Variants in TRIML2 observed in about 807,000 individuals in gnomAD.
TRIML2 encodes the protein tripartite motif family like 2.
A neutral mutation model predicts 31.2 loss-of-function variants in TRIML2; 28 were observed. That is an observed-to-expected ratio of 0.90 (90% CI 0.66 to 1.23). The LOEUF is 1.23. Ranked by LOEUF, TRIML2 falls within the 50% of genes most tolerant of loss-of-function variation. The pLI is 0.00. For synonymous variants in TRIML2, 187 were observed against 197.5 expected (o/e 0.95, Z 0.45); for missense variants, 536 against 528.3 (o/e 1.01, Z -0.14).
chr4:188,097,496 C>T, intron 5 of TRIML2, 150 bp from the exon 6 acceptor site: 1 of 774,154 alleles, frequency 1.3e-6, no homozygotes, highest in Admixed American at 2.4e-5. Flanking sequence ...CAAATTCTAA[C>T]ATGGAAACAG....
At position 188,091,280 on chromosome 4, in the gene TRIML2, C is replaced by G; in HGVS notation, c.*93G>C. ...TTAAATCAGGCTCCTACTCCTGGAA[C>G]GCTTTTTATTGGGTTAGTTTACACA... On this transcript the variant is annotated 3_prime_UTR_variant, in exon 8 of 8. Coordinates refer to ENST00000682553, the MANE Select transcript of TRIML2 (RefSeq NM_173553.4). 1 of 1,222,084 alleles carries G rather than the reference C, an allele frequency of 8.2e-7. No homozygotes were observed. Among genetic ancestry groups the G allele is most frequent in the African/African-American group, 1.5e-5 (1 of 65,814 alleles). The allele number at this position is 1,222,084 out of a possible 1,614,324, so 75.7% of individuals were successfully genotyped here.
chr4:188,096,889 T>A (rs1437421532), intron 7 of TRIML2, among the ~76,000 whole-genome samples, 172 bp downstream of exon 7: 1 of 152,104 alleles, frequency 6.6e-6, no homozygotes, highest in African/African-American at 2.4e-5. Flanking sequence ...ACTCCTGGCC[T>A]CAAGCAAACC....
rs774942562 is a variant in TRIML2 at position 188,101,223 on chromosome 4, T to A, written c.313A>T (p.Ile105Phe). The change falls in exon 4 of 8, where the codon ATT becomes TTT. Residue 105 changes from isoleucine to phenylalanine, a missense_variant. Physicochemically the swap from Ile to Phe is conservative, Grantham distance 21. Coordinates refer to ENST00000682553, the MANE Select transcript of TRIML2 (RefSeq NM_173553.4). ...QEEEQNFKKM[I>F]ESEYSMRLRL... is the part of the protein sequence containing the mutation. ...AGTCTCATACTATACTCAGACTCAA[T>A]CATCTTTTTAAAATTTTGTTCCTCT... 5 of 1,611,610 alleles carry A rather than the reference T, an allele frequency of 3.1e-6. No homozygotes were observed. Among genetic ancestry groups the A allele is most frequent in the Non-Finnish European group, 4.2e-6 (5 of 1,179,568 alleles).
At chr4:188,098,758 G>T in intron 5 of TRIML2, 1 of 384,370 alleles carries the variant, frequency 2.6e-6, no homozygotes, top group African/African-American at 2.1e-5. Context: ...ATATTTCATT[G>T]CATGGAGGTA....
At position 188,099,138 on chromosome 4, in the gene TRIML2, A is replaced by G. The variant is rs1172945841; in HGVS notation, c.518T>C (p.Leu173Pro). The change falls in exon 5 of 8, where the codon CTG (leucine) becomes CCG (proline). Residue 173 changes from leucine to proline, a missense_variant. Leu to Pro is a moderately conservative substitution (Grantham distance 98, BLOSUM62 -3). Transcript: ENST00000682553. Reference sequence around the variant, plus strand: ...AGAAGCCCTGGCTTCACTCTCCTTCAGTTTCTCCATGTTCTCTCTCCCCAC... The same window carrying G: ...AGAAGCCCTGGCTTCACTCTCCTTCGGTTTCTCCATGTTCTCTCTCCCCAC... ...GRVGRENMEK[L>P]KESEARASEQ... 2.5e-6 allele frequency: 4 copies of G among 1,613,302 alleles called. No individual in the cohort carries two copies. Among genetic ancestry groups the G allele is most frequent in the South Asian group, 1.1e-5 (1 of 90,892 alleles).
chr4:188,099,290 G>A, intron 4 of TRIML2, 115 bp from the exon 5 acceptor site: 1 of 1,353,178 alleles, frequency 7.4e-7, no homozygotes, highest in Non-Finnish European at 1.0e-6. Flanking sequence ...TTTTCGGTTG[G>A]GCGCAGTGGC....
intron 4 of TRIML2, 86 bp from the exon 5 acceptor site, chr4:188,099,261 C>T (rs1733666227): frequency 6.7e-7 from 1 of 1,489,008 alleles, no homozygotes; most frequent in Non-Finnish European, 9.0e-7. Context: ...TTAATTCAAC[C>T]ATGTTTTTAA....
chr4:188,092,412 G>A (rs1733307656), intron 7 of TRIML2, among the ~76,000 whole-genome samples: 1 of 151,596 alleles, frequency 6.6e-6, no homozygotes, highest in Admixed American at 6.6e-5. Flanking sequence ...AGTGAGCCGA[G>A]ATCACACCAC....
In TRIML2 at chr4:188,104,901, C is replaced by G. The variant is rs1733959187; in HGVS notation, c.221G>C (p.Arg74Thr). ...GCTTTTAGCTGCTTCAAGTTTCTCCCTCGATGTGTTCAATATTTCCTGGAA... is the reference window on the plus strand; with the variant it reads ...GCTTTTAGCTGCTTCAAGTTTCTCCGTCGATGTGTTCAATATTTCCTGGAA... Reference protein sequence around the residue: ...KLFQEILNTSREKLEAAKSIL... With the variant: ...KLFQEILNTSTEKLEAAKSIL... The change falls in exon 3 of 8, where the codon AGG becomes ACG. Residue 74 changes from arginine to threonine, a missense_variant. Coordinates refer to ENST00000682553, the MANE Select transcript of TRIML2 (RefSeq NM_173553.4). The G allele has an allele frequency of 8.1e-6, 13 of 1,613,968 alleles. No individual in the cohort carries two copies. The East Asian group carries it at 2.9e-4, about 36-fold the overall frequency.
chr4:188,097,467 A>C, intron 5 of TRIML2, 121 bp from the exon 6 acceptor site: 1 of 890,314 alleles, frequency 1.1e-6, no homozygotes, highest in Non-Finnish European at 1.8e-6. Context: ...CAACCTCATA[A>C]TGCTAGTTAT....
In TRIML2 at chr4:188,105,172, A is replaced by T; in HGVS notation, c.189+8T>A. The T allele has an allele frequency of 6.3e-7, 1 of 1,591,684 alleles. No homozygotes were observed. Among genetic ancestry groups the T allele is most frequent in the Non-Finnish European group, 8.6e-7 (1 of 1,161,534 alleles). ...GAGTGTTTTGGGATTTGCGTGAGTG[A>T]CTCTTACCCTGTAATTCTCAGCAGC... On this transcript the variant is annotated splice_region_variant and intron_variant, in intron 2 of 7. Coordinates refer to ENST00000682553, the MANE Select transcript of TRIML2 (RefSeq NM_173553.4).
At chr4:188,104,604 C>G (rs1204749052) in intron 3 of TRIML2, among the ~76,000 whole-genome samples, 4 of 152,132 alleles carry the variant, frequency 2.6e-5, no homozygotes, top group Non-Finnish European at 5.9e-5. Flanking sequence ...CTCAAGTGAT[C>G]CGCCCTCCTC....
chr4:188,100,988 T>C (rs2111176084), intron 4 of TRIML2, 68 bp downstream of exon 4: 2 of 1,412,442 alleles, frequency 1.4e-6, no homozygotes, highest in South Asian at 1.5e-5. Context: ...TATTTTGGAA[T>C]TGACATAATG....
At chr4:188,094,999 G>A (rs529272292) in intron 7 of TRIML2, among the ~76,000 whole-genome samples, 4 of 152,224 alleles carry the variant, frequency 2.6e-5, no homozygotes, top group South Asian at 4.1e-4. Context: ...TTCAACAAAG[G>A]GGCCAAGTAA....
At chr4:188,099,876 TA>T (rs1184535858) in intron 4 of TRIML2, among the ~76,000 whole-genome samples, 2 of 152,200 alleles carry the variant, frequency 1.3e-5, no homozygotes, top group East Asian at 3.8e-4. Context: ...GATTAACTAA[TA>T]AGAAATAAAT....
Position 188,105,302 on chromosome 4 carries a change from GGT to G in TRIML2, c.65_66del (p.His22ProfsTer9), listed in dbSNP as rs1304702825. The G allele has an allele frequency of 3.1e-6, 5 of 1,610,548 alleles. No homozygotes were observed. Among genetic ancestry groups the G allele is most frequent in the Non-Finnish European group, 3.4e-6 (4 of 1,177,378 alleles). Reference sequence around the variant, plus strand: ...TCACAGAACAGCCGTGTTGGTTCCAGGTGTGTTTCACAATAGGCATCTTCTGT... The same window carrying G: ...TCACAGAACAGCCGTGTTGGTTCCAGGTGTTTCACAATAGGCATCTTCTGT... ...NITEDAYCET[H>X]LEPTRLFCDV... On this transcript the variant is annotated frameshift_variant, in exon 2 of 8. Coordinates refer to ENST00000682553, the MANE Select transcript of TRIML2 (RefSeq NM_173553.4). LOFTEE classifies it high-confidence loss of function.
intron 1 of TRIML2, chr4:188,106,674 A>G (rs1245855325): frequency 6.3e-6 from 1 of 159,744 alleles, no homozygotes; most frequent in African/African-American, 2.4e-5. Flanking sequence ...CGGAAGATCT[A>G]TCGTGCTCCT....
intron 1 of TRIML2, among the ~76,000 whole-genome samples, chr4:188,106,396 A>G (rs1734041530): frequency 6.6e-6 from 1 of 152,232 alleles, no homozygotes; most frequent in Non-Finnish European, 1.5e-5. Flanking sequence ...GATTTGCAAA[A>G]CAGTGAAGCC....
Position 188,105,095 on chromosome 4 carries a change from G to A in TRIML2, c.189+85C>T, listed in dbSNP as rs535248684. ...TGTAATAAACATCAACTAAGGTAAT[G>A]GTTTTGGAGGACCAGAATGTCTGTC... is the stretch of plus-strand genomic sequence containing the variant. On this transcript the variant is annotated intron_variant, in intron 2 of 7. Transcript: ENST00000682553. 9 of 1,492,154 alleles carry A rather than the reference G, an allele frequency of 6.0e-6. No individual in the cohort carries two copies. In the Admixed American group the frequency reaches 1.3e-4, roughly 21 times the overall value. 92.4% of individuals were successfully genotyped at this position (1,492,154 alleles called of 1,614,324 possible).
Sources: gnomAD v4.1 joint callset for allele counts (sites outside exome capture counted in the v4.1 genomes callset) on GRCh38, gnomAD v4.1.1 for gene constraint, MANE v1.5 for transcripts, NCBI Gene and HGNC (gene_info 2026-07-23, HGNC 2026-07-21) for gene names.